The following POLR3A variants were observed in gnomAD, a reference collection of about 807,000 sequenced individuals.
POLR3A encodes the protein DNA-directed RNA polymerase III subunit RPC1.
POLR3A carries 112 observed loss-of-function variants against 152.8 expected under a neutral mutation model. The ratio of observed to expected loss-of-function variants is 0.73; its 90% CI spans 0.63 to 0.86. POLR3A has a LOEUF of 0.86. Ranked by LOEUF, POLR3A falls within the 40% of genes least tolerant of loss-of-function variation. The pLI is 0.00. For synonymous variants in POLR3A, 615 were observed against 652.1 expected (o/e 0.94, Z 0.87); for missense variants, 1,385 against 1,743.1 (o/e 0.79, Z 3.66).
At position 77,982,764 on chromosome 10, in the gene POLR3A, C is replaced by T; in HGVS notation, c.3483G>A (p.Lys1161=). The change falls in exon 27 of 31, where the codon AAG becomes AAA. Residue 1161 remains lysine, a synonymous_variant. Coordinates refer to ENST00000372371, the MANE Select transcript of POLR3A (RefSeq NM_007055.4). ...CACCATGAACAGCCACATCACCGGG[C>T]TTCACACGGAGCTTGGATGTGCAGA... ...YSICTSKLRV[K]PGDVAVHGEA... The T allele has an allele frequency of 6.2e-7, 1 of 1,614,054 alleles. No individual in the cohort carries two copies. The highest frequency in any genetic ancestry group is 8.5e-7 in the Non-Finnish European group (1 of 1,179,958).
intron 5 of POLR3A, among the ~76,000 whole-genome samples, chr10:78,022,786 G>A (rs1008053486): frequency 2.6e-5 from 4 of 152,280 alleles, no homozygotes; most frequent in African/African-American, 9.6e-5. Flanking sequence ...TCCCTATGTG[G>A]AAAAGCAGCA....
At position 77,977,444 on chromosome 10, in the gene POLR3A, G is replaced by A. The variant is rs1219565107; in HGVS notation, c.*34C>T. On this transcript the variant is annotated 3_prime_UTR_variant, in exon 31 of 31. Transcript: ENST00000372371. Reference sequence around the variant, plus strand: ...ACATCAGCTGGAGACAGGACAAGGAGTCAAGGTCAGGCATGGTCCCCTCTT... The same window carrying A: ...ACATCAGCTGGAGACAGGACAAGGAATCAAGGTCAGGCATGGTCCCCTCTT... 2 of 1,610,864 alleles carry A rather than the reference G, an allele frequency of 1.2e-6. No individual in the cohort carries two copies. The highest frequency in any genetic ancestry group is 2.2e-5 in the East Asian group (1 of 44,838).
chr10:78,019,071 A>G (rs984854835), intron 9 of POLR3A, 91 bp downstream of exon 9: 5 of 914,298 alleles, frequency 5.5e-6, no homozygotes, highest in Non-Finnish European at 9.1e-6. Context: ...CGCAAACTGT[A>G]TTTCTGGATT....
At chr10:78,028,037 G>A (rs1847653910) in intron 1 of POLR3A, among the ~76,000 whole-genome samples, 1 of 152,226 alleles carries the variant, frequency 6.6e-6, no homozygotes, top group Non-Finnish European at 1.5e-5. Context: ...TAAGACACCT[G>A]TTCTAGTGAA....
At chr10:77,994,156 C>T (rs553937840) in intron 19 of POLR3A, among the ~76,000 whole-genome samples, 51 of 152,298 alleles carry the variant, frequency 3.3e-4, no homozygotes, top group African/African-American at 1.2e-3. Context: ...CATGCTCCCA[C>T]ACTGAAGGGC....
At chr10:78,027,139 C>A (rs959517070) in intron 1 of POLR3A, among the ~76,000 whole-genome samples, 1 of 152,134 alleles carries the variant, frequency 6.6e-6, no homozygotes, top group Non-Finnish European at 1.5e-5. Flanking sequence ...GTTGCATGGT[C>A]AGAAAGCCTC....
chr10:78,029,173 G>A (rs563928751), intron 1 of POLR3A, among the ~76,000 whole-genome samples, 191 bp downstream of exon 1: 3 of 152,274 alleles, frequency 2.0e-5, no homozygotes, highest in Admixed American at 6.5e-5. Context: ...CTCTCGAGGT[G>A]CTGAAATCCC....
chr10:78,019,129 T>C (rs761144074), intron 9 of POLR3A, 33 bp downstream of exon 9: 5 of 1,404,348 alleles, frequency 3.6e-6, no homozygotes, highest in South Asian at 3.4e-5. Flanking sequence ...CATGAGAAAG[T>C]AGTTAAATCC....
chr10:78,010,836 A>G (rs1237829422), intron 11 of POLR3A, among the ~76,000 whole-genome samples: 1 of 151,776 alleles, frequency 6.6e-6, no homozygotes, highest in Non-Finnish European at 1.5e-5. Context: ...CTACCCATGT[A>G]AGAAGATTTT....
Position 78,026,111 on chromosome 10 carries a change from C to T in POLR3A, c.163G>A (p.Val55Met), listed in dbSNP as rs886047293. Residue 55 changes from valine (V) to methionine (M), a missense_variant, in exon 2 of 31, where the codon GTG becomes ATG. Around this residue, in one of 7 missense-constraint regions of POLR3A, gnomAD observed 493 missense variants for 647.5 expected, o/e 0.76. Coordinates refer to ENST00000372371, the MANE Select transcript of POLR3A (RefSeq NM_007055.4). ...DNQHAPLLYG[V>M]LDHRMGTSEK... Reference sequence around the variant, plus strand: ...GGCCTTACCATCCTATGGTCGAGCACCCCATATAGCAAGGGGGCATGTTGG... The same window carrying T: ...GGCCTTACCATCCTATGGTCGAGCATCCCATATAGCAAGGGGGCATGTTGG... 2 of 1,614,164 alleles carry T rather than the reference C, an allele frequency of 1.2e-6. No individual in the cohort carries two copies. Among genetic ancestry groups the T allele is most frequent in the Non-Finnish European group, 1.7e-6 (2 of 1,180,012 alleles).
chr10:77,984,156 C>A, intron 25 of POLR3A, 49 bp downstream of exon 25: 1 of 1,347,456 alleles, frequency 7.4e-7, no homozygotes, highest in Non-Finnish European at 1.1e-6. Flanking sequence ...CACTTCCTTG[C>A]AACATTGCTG....
intron 10 of POLR3A, among the ~76,000 whole-genome samples, chr10:78,016,916 T>TGTAAGTTTG (rs1847530120): frequency 6.6e-6 from 1 of 151,934 alleles, no homozygotes; most frequent in Non-Finnish European, 1.5e-5. Context: ...ACCTATTTTA[T>TGTAAGTTTG]GTAAGTTTGT....
rs1332768741 is a variant in POLR3A at position 78,022,032 on chromosome 10, G to A, written c.886-10C>T. 6.2e-7 allele frequency: 1 copy of A among 1,614,148 alleles called. No homozygotes were observed. Among genetic ancestry groups the A allele is most frequent in the Non-Finnish European group, 8.5e-7 (1 of 1,180,030 alleles). ...CTCCTGAGATCCGATGCTAAAACCA[G>A]CACAGCCCAAACAGAAACAAACCTG... On this transcript the variant is annotated splice_polypyrimidine_tract_variant and intron_variant, in intron 6 of 30. Coordinates refer to ENST00000372371, the MANE Select transcript of POLR3A (RefSeq NM_007055.4).
chr10:77,980,889 A>T (rs1847134596), intron 29 of POLR3A, among the ~76,000 whole-genome samples: 1 of 152,050 alleles, frequency 6.6e-6, no homozygotes. Flanking sequence ...TACTCTATCG[A>T]CTTGTTTGGG....
intron 19 of POLR3A, among the ~76,000 whole-genome samples, chr10:77,993,716 G>A (rs1026342796): frequency 1.3e-5 from 2 of 152,150 alleles, no homozygotes; most frequent in Non-Finnish European, 2.9e-5. Context: ...TAATGCAATA[G>A]CTTTGCATTT....
chr10:78,007,636 T>C (rs984980250), intron 15 of POLR3A, 66 bp downstream of exon 15: 3 of 1,402,956 alleles, frequency 2.1e-6, no homozygotes, highest in Non-Finnish European at 3.0e-6. Context: ...AAGAACAAAA[T>C]AACGTAAACC....
Position 78,025,077 on chromosome 10 carries a change from A to G in POLR3A, c.384T>C (p.Tyr128=), listed in dbSNP as rs748080765. ...GGTAGGTCAGGCCGGGCCTCTTTAGATAGTCCAGAAACTGCTTCTTCTCCT... is the reference window on the plus strand; with the variant it reads ...GGTAGGTCAGGCCGGGCCTCTTTAGGTAGTCCAGAAACTGCTTCTTCTCCT... ...SQEEKKQFLD[Y]LKRPGLTYLQ... is the part of the protein sequence containing the mutation. The change falls in exon 4 of 31, where the codon TAT becomes TAC. Residue 128 remains tyrosine (Y), a synonymous_variant. Transcript: ENST00000372371. 9.9e-6 allele frequency: 16 copies of G among 1,614,072 alleles called. No homozygotes were observed. Among genetic ancestry groups the G allele is most frequent in the African/African-American group, 1.3e-5 (1 of 74,940 alleles).
chr10:78,014,300 A>C (rs1447387816), intron 10 of POLR3A, among the ~76,000 whole-genome samples: 2 of 152,258 alleles, frequency 1.3e-5, no homozygotes, highest in African/African-American at 4.8e-5. Flanking sequence ...TTAACAGCAG[A>C]AGTTGATTAA....
intron 14 of POLR3A, among the ~76,000 whole-genome samples, chr10:78,008,599 G>A (rs1847433241): frequency 6.6e-6 from 1 of 152,170 alleles, no homozygotes; most frequent in African/African-American, 2.4e-5. Context: ...AGTGGTCTGG[G>A]TGAGTGAACG....
Sources: gnomAD v4.1 joint callset for allele counts (sites outside exome capture counted in the v4.1 genomes callset) on GRCh38, gnomAD v4.1.1 for gene constraint, gnomAD v4.1.1 regional missense constraint, MANE v1.5 for transcripts, NCBI Gene and HGNC (gene_info 2026-07-23, HGNC 2026-07-21) for gene names.